The following FBP2 variants were observed in gnomAD, a reference collection of about 807,000 sequenced individuals.
FBP2 encodes fructose-bisphosphatase 2.
In FBP2, 27 loss-of-function variants were observed where a neutral mutation model predicts 31.6. The ratio of observed to expected loss-of-function variants is 0.85; its 90% CI spans 0.63 to 1.18. The LOEUF is 1.18. Ranked by LOEUF, FBP2 falls within the 50% of genes most tolerant of loss-of-function variation. The pLI, the probability that FBP2 is intolerant of heterozygous loss-of-function variation, is 0.00. For missense variants in FBP2, 421 were observed against 436.1 expected (o/e 0.97, Z 0.31); for synonymous variants, 168 against 179.8 (o/e 0.93, Z 0.53).
At chr9:94,565,071 T>C (rs920054851) in intron 5 of FBP2, among the ~76,000 whole-genome samples, 2 of 152,084 alleles carry the variant, frequency 1.3e-5, no homozygotes, top group African/African-American at 2.4e-5. Context: ...TTATTATATG[T>C]CAATTAAAAA....
At chr9:94,588,894 C>T (rs1410030362) in intron 1 of FBP2, among the ~76,000 whole-genome samples, 1 of 152,190 alleles carries the variant, frequency 6.6e-6, no homozygotes, top group Non-Finnish European at 1.5e-5. Flanking sequence ...CACACACCTG[C>T]CTTGTGACTG....
chr9:94,574,043 G>A (rs766520375), intron 3 of FBP2, among the ~76,000 whole-genome samples: 1 of 152,122 alleles, frequency 6.6e-6, no homozygotes, highest in Non-Finnish European at 1.5e-5. Context: ...TAGTTTTTGA[G>A]ACATTGGTTC....
intron 3 of FBP2, among the ~76,000 whole-genome samples, chr9:94,579,221 AC>A (rs1227205931): frequency 1.3e-5 from 2 of 148,420 alleles, no homozygotes; most frequent in Admixed American, 6.8e-5. Flanking sequence ...ACATGGTGAA[AC>A]CCCGTCTCTA....
At chr9:94,582,011 A>G (rs1322031079) in intron 3 of FBP2, among the ~76,000 whole-genome samples, 1 of 152,224 alleles carries the variant, frequency 6.6e-6, no homozygotes, top group Admixed American at 6.5e-5. Flanking sequence ...CTAGCAGCCA[A>G]ACAAGCGCTG....
chr9:94,569,020 G>A (rs560888247), intron 4 of FBP2: 1 of 152,378 alleles, frequency 6.6e-6, no homozygotes, highest in Non-Finnish European at 1.5e-5. Context: ...AGGTGCACGA[G>A]TGATGGTCTT....
At chr9:94,567,167 AG>A in intron 5 of FBP2, 102 bp downstream of exon 5, 1 of 1,168,154 alleles carries the variant, frequency 8.6e-7, no homozygotes, top group Non-Finnish European at 1.3e-6. Context: ...AGCCATAAAC[AG>A]TGGCACCAAC....
intron 4 of FBP2, chr9:94,568,390 C>G (rs1827224606): frequency 6.6e-6 from 1 of 152,176 alleles, no homozygotes; most frequent in South Asian, 2.1e-4. Context: ...TCAAATACCC[C>G]TATGTCTAGT....
At chr9:94,585,538 G>T (rs548375423) in intron 2 of FBP2, among the ~76,000 whole-genome samples, 1 of 151,396 alleles carries the variant, frequency 6.6e-6, no homozygotes, top group South Asian at 2.1e-4. Flanking sequence ...AGAGCCATGA[G>T]GGGGGGTCAC....
Position 94,558,969 on chromosome 9 carries a change from G to A in FBP2, c.989C>T (p.Thr330Ile), listed in dbSNP as rs372407039. The A allele has an allele frequency of 2.7e-5, 43 of 1,614,100 alleles. No individual in the cohort carries two copies. The highest frequency in any genetic ancestry group is 1.6e-4 in the East Asian group (7 of 44,858). ...GSPEDVQEYL[T>I]CVQKNQAGS ...GCCTGCCTGATTTTTCTGCACACAG[G>A]TGAGATATTCCTGCACATCCTCTGG... Residue 330 changes from threonine to isoleucine, a missense_variant, in exon 7 of 7, where the codon ACC (threonine) becomes ATC (isoleucine). Transcript: ENST00000375337.
chr9:94,566,391 G>A (rs1194362985), intron 5 of FBP2, among the ~76,000 whole-genome samples: 3 of 152,272 alleles, frequency 2.0e-5, no homozygotes, highest in African/African-American at 7.2e-5. Flanking sequence ...ACAAACAATA[G>A]CACGAGTGAT....
chr9:94,576,713 T>TTGAAA (rs1260912470), intron 3 of FBP2: 1 of 149,304 alleles, frequency 6.7e-6, no homozygotes, highest in Non-Finnish European at 1.5e-5. Flanking sequence ...CTTTGAAACT[T>TTGAAA]CGGAACTTGG....
intron 1 of FBP2, among the ~76,000 whole-genome samples, chr9:94,591,595 T>C (rs1453331791): frequency 6.6e-6 from 1 of 152,178 alleles, no homozygotes; most frequent in Non-Finnish European, 1.5e-5. Context: ...GCTCCCACAG[T>C]GCAGTGGGGG....
At chr9:94,583,479 A>C (rs1827393146) in intron 3 of FBP2, among the ~76,000 whole-genome samples, 1 of 152,202 alleles carries the variant, frequency 6.6e-6, no homozygotes, top group Non-Finnish European at 1.5e-5. Context: ...TTAAATACTC[A>C]TATTTCTGCC....
At chr9:94,590,370 A>G (rs1403565265) in intron 1 of FBP2, among the ~76,000 whole-genome samples, 1 of 151,786 alleles carries the variant, frequency 6.6e-6, no homozygotes. Flanking sequence ...GGAAAAGGAG[A>G]CTCTCATAAC....
At chr9:94,565,706 A>G (rs1827176564) in intron 5 of FBP2, among the ~76,000 whole-genome samples, 1 of 151,618 alleles carries the variant, frequency 6.6e-6, no homozygotes, top group African/African-American at 2.4e-5. Flanking sequence ...GCTACGAGAA[A>G]TCTCTCAGTT....
At chr9:94,560,451 G>T (rs778074832) in intron 6 of FBP2, among the ~76,000 whole-genome samples, 3 of 152,068 alleles carry the variant, frequency 2.0e-5, no homozygotes, top group Non-Finnish European at 2.9e-5. Flanking sequence ...TTAGATTCAG[G>T]GTGTCGTTCT....
intron 3 of FBP2, among the ~76,000 whole-genome samples, chr9:94,581,714 A>G (rs1342251629): frequency 6.6e-6 from 1 of 152,216 alleles, no homozygotes; most frequent in African/African-American, 2.4e-5. Flanking sequence ...TAAGCCTCTC[A>G]ACAGACTGAA....
At chr9:94,578,595 G>A (rs542761072) in intron 3 of FBP2, among the ~76,000 whole-genome samples, 1 of 151,958 alleles carries the variant, frequency 6.6e-6, no homozygotes, top group South Asian at 2.1e-4. Context: ...TAAAATATGG[G>A]AAAACATGGT....
At position 94,585,937 on chromosome 9, in the gene FBP2, T is replaced by C. The variant is rs369584958; in HGVS notation, c.334-1268A>G. On this transcript the variant is annotated intron_variant, in intron 2 of 6. Coordinates refer to ENST00000375337, the MANE Select transcript of FBP2 (RefSeq NM_003837.4). ...AATTTTTATCTTTTGTATCTTTATG[T>C]TGCCTAGGCTGGTCTCAAACTCCTG... 4.8e-4 allele frequency among the ~76,000 whole-genome samples: 73 copies of C among 151,908 alleles called. 2 individuals are homozygous for C. The East Asian group carries it at 0.011, about 23-fold the overall frequency.
Sources: gnomAD v4.1 joint callset for allele counts (sites outside exome capture counted in the v4.1 genomes callset) on GRCh38, gnomAD v4.1.1 for gene constraint, MANE v1.5 for transcripts, NCBI Gene and HGNC (gene_info 2026-07-23, HGNC 2026-07-21) for gene names.